Variants in SHTN1 observed in about 807,000 individuals in gnomAD.
SHTN1 encodes the protein shootin 1, also known as shootin-1.
In SHTN1, 42 loss-of-function variants were observed where a neutral mutation model predicts 83.1. The ratio of observed to expected loss-of-function variants is 0.51; its 90% CI spans 0.39 to 0.65. The LOEUF (loss-of-function observed/expected upper bound fraction) is 0.65, where lower values mean the gene tolerates loss of function less well. Ranked by LOEUF, SHTN1 falls within the 30% of genes least tolerant of loss-of-function variation. The probability of loss-of-function intolerance (pLI) is 0.00; values close to 1 mark genes in which losing one functional copy is unlikely to be tolerated. For synonymous variants in SHTN1, 224 were observed against 247.7 expected, an observed-to-expected ratio of 0.90 and a Z score of 0.90; for missense variants, 622 against 737.8, an observed-to-expected ratio of 0.84 and a Z score of 1.82.
chr10:117,087,189 A>G (rs1853363586), intron 1 of SHTN1, among the ~76,000 whole-genome samples: 1 of 22,914 alleles, frequency 4.4e-5, no homozygotes, highest in Non-Finnish European at 2.5e-3. Context: ...GAATTTCTGT[A>G]AACATAATGG....
chr10:116,978,826 T>C (rs1012533081), intron 2 of SHTN1, among the ~76,000 whole-genome samples: 1 of 152,208 alleles, frequency 6.6e-6, no homozygotes, highest in African/African-American at 2.4e-5. Context: ...CATATAAAGA[T>C]TTATGGAGGT....
intron 2 of SHTN1, among the ~76,000 whole-genome samples, chr10:117,035,972 A>G (rs1442330345): frequency 6.9e-6 from 1 of 143,966 alleles, no homozygotes; most frequent in Non-Finnish European, 1.5e-5. Flanking sequence ...AAAAAAGGCA[A>G]AAGACTTGAA....
Position 116,951,615 on chromosome 10 carries a change from T to C in SHTN1, c.534+294A>G, listed in dbSNP as rs142485581. Among the ~76,000 whole-genome samples the C allele has an allele frequency of 1.4e-4, 22 of 152,338 alleles. No homozygotes were observed. In the East Asian group the frequency reaches 4.0e-3, roughly 28 times the overall value. ...CAGCAATAAAATATATGACTTGAAA[T>C]AGTAGCTACTATTCTTACAAATTTG... On this transcript the variant is annotated intron_variant, in intron 6 of 16. Transcript: ENST00000355371.
intron 1 of SHTN1, among the ~76,000 whole-genome samples, chr10:116,998,054 G>A (rs566353718): frequency 6.6e-6 from 1 of 152,156 alleles, no homozygotes; most frequent in Non-Finnish European, 1.5e-5. Context: ...CTCATGCCTC[G>A]GCACTTCAGC....
chr10:116,956,421 TC>T (rs1426379928), intron 4 of SHTN1, among the ~76,000 whole-genome samples: 2 of 152,184 alleles, frequency 1.3e-5, no homozygotes, highest in African/African-American at 4.8e-5. Context: ...ATTAAGATAG[TC>T]TGTATCCCAC....
intron 1 of SHTN1, among the ~76,000 whole-genome samples, chr10:117,101,733 G>A (rs897904330): frequency 5.3e-5 from 8 of 152,088 alleles, no homozygotes; most frequent in African/African-American, 1.9e-4. Context: ...AGAAAGAATA[G>A]CCTGTTCCCG....
At chr10:116,987,126 G>A (rs1851247400) in intron 1 of SHTN1, among the ~76,000 whole-genome samples, 1 of 152,022 alleles carries the variant, frequency 6.6e-6, no homozygotes, top group Non-Finnish European at 1.5e-5. Context: ...TATCTTACCA[G>A]AGCCTAACAG....
At chr10:117,078,611 T>C (rs909807249) in intron 1 of SHTN1, among the ~76,000 whole-genome samples, 2 of 152,312 alleles carry the variant, frequency 1.3e-5, no homozygotes, top group East Asian at 3.9e-4. Context: ...TGTCTATTTT[T>C]GGCACCTATG....
At chr10:116,973,907 T>C (rs1022728775) in intron 2 of SHTN1, 1 of 1,284,680 alleles carries the variant, frequency 7.8e-7, no homozygotes, top group African/African-American at 1.5e-5. Context: ...TCATTTTTAA[T>C]AGTAGTCGAC....
intron 2 of SHTN1, among the ~76,000 whole-genome samples, chr10:117,035,876 G>A (rs1852487151): frequency 6.7e-6 from 1 of 148,858 alleles, no homozygotes; most frequent in African/African-American, 2.5e-5. Context: ...GAACCTGGGA[G>A]GTGGAGGTTC....
At chr10:117,072,024 G>A (rs948359510) in intron 1 of SHTN1, among the ~76,000 whole-genome samples, 3 of 152,148 alleles carry the variant, frequency 2.0e-5, no homozygotes, top group Admixed American at 1.3e-4. Flanking sequence ...TTCCTGACAG[G>A]AAATTTGCAA....
chr10:117,088,014 G>A (rs961821192), intron 1 of SHTN1, among the ~76,000 whole-genome samples: 31 of 152,164 alleles, frequency 2.0e-4, no homozygotes, highest in Middle Eastern at 3.2e-3. Context: ...GAGGCAGGAG[G>A]AAACAAAACA....
intron 1 of SHTN1, among the ~76,000 whole-genome samples, chr10:116,992,969 T>C (rs371963041): frequency 5.3e-5 from 8 of 152,080 alleles, no homozygotes; most frequent in African/African-American, 1.9e-4. Flanking sequence ...ACTATCTTTT[T>C]TGTCTGTATT....
At chr10:117,093,151 C>T (rs1853457725) in intron 1 of SHTN1, among the ~76,000 whole-genome samples, 2 of 152,160 alleles carry the variant, frequency 1.3e-5, no homozygotes, top group Admixed American at 6.5e-5. Flanking sequence ...GTATATACTA[C>T]CATCATCCCA....
chr10:116,902,998 C>T (rs971517885), intron 15 of SHTN1, among the ~76,000 whole-genome samples: 4 of 152,092 alleles, frequency 2.6e-5, no homozygotes, highest in African/African-American at 7.2e-5. Flanking sequence ...AGTATAATAG[C>T]GTAACATATC....
chr10:116,999,390 G>A (rs375864554), intron 1 of SHTN1, among the ~76,000 whole-genome samples: 1 of 152,178 alleles, frequency 6.6e-6, no homozygotes, highest in East Asian at 1.9e-4. Context: ...AGCATGCATT[G>A]TCAATGTAGT....
At position 116,911,856 on chromosome 10, in the gene SHTN1, TAAGA is replaced by T. The variant is rs763710561; in HGVS notation, c.1306-17_1306-14del. 28 of 1,602,794 alleles carry T rather than the reference TAAGA, an allele frequency of 1.7e-5. No homozygotes were observed. The highest frequency in any genetic ancestry group is 1.2e-4 in the Admixed American group (7 of 59,862). On this transcript the variant is annotated splice_polypyrimidine_tract_variant and intron_variant, in intron 13 of 16. Transcript: ENST00000355371. ...TCGAAGATTCTGGCTATAATTTTAA[TAAGA>T]AAGAAAAATCACTGAGTAATTCAGT...
At chr10:116,974,038 C>G (rs573097217) in intron 2 of SHTN1, 1 of 1,061,072 alleles carries the variant, frequency 9.4e-7, no homozygotes, top group East Asian at 7.1e-5. Flanking sequence ...TCCTTTCACT[C>G]TCTTTCTCTT....
chr10:117,043,965 T>A (rs547127769), intron 2 of SHTN1, among the ~76,000 whole-genome samples: 68 of 152,342 alleles, frequency 4.5e-4, no homozygotes, highest in African/African-American at 1.6e-3. Flanking sequence ...GAAATTTAAA[T>A]GTTTCAATAT....
Sources: gnomAD v4.1 joint callset for allele counts (sites outside exome capture counted in the v4.1 genomes callset) on GRCh38, gnomAD v4.1.1 for gene constraint, MANE v1.5 for transcripts, NCBI Gene and HGNC (gene_info 2026-07-23, HGNC 2026-07-21) for gene names.